The following CHMP5 variants were observed in gnomAD, a reference collection of about 807,000 sequenced individuals.
CHMP5 encodes the protein charged multivesicular body protein 5.
CHMP5 carries 17 observed loss-of-function variants against 33.0 expected under a neutral mutation model. The ratio of observed to expected loss-of-function variants is 0.52; its 90% CI spans 0.35 to 0.77. CHMP5 has a LOEUF of 0.77. Ranked by LOEUF, CHMP5 falls within the 30% of genes least tolerant of loss-of-function variation. CHMP5 has a pLI of 0.01. For synonymous variants in CHMP5, 76 were observed against 90.2 expected, an observed-to-expected ratio of 0.84 and a Z score of 0.89; for missense variants, 216 against 261.5, an observed-to-expected ratio of 0.83 and a Z score of 1.20.
At position 33,281,110 on chromosome 9, in the gene CHMP5, G is replaced by C. The variant is rs1820917998; in HGVS notation, c.*251G>C. 2.5e-6 allele frequency: 1 copy of C among 398,948 alleles called. No homozygotes were observed. The highest frequency in any genetic ancestry group is 2.1e-5 in the African/African-American group (1 of 48,172). The allele number at this position is 398,948 out of a possible 1,614,324, so 24.7% of individuals were successfully genotyped here. A position where few individuals can be genotyped will look rare whatever the true frequency, so the allele number is the denominator to read the frequency against. Reference sequence around the variant, plus strand: ...GTTTAAAAGTATTTTTAGCTCGTATGACTTGTTTTCATTCATTAATAATAA... The same window carrying C: ...GTTTAAAAGTATTTTTAGCTCGTATCACTTGTTTTCATTCATTAATAATAA... On this transcript the variant is annotated 3_prime_UTR_variant, in exon 8 of 8. Transcript: ENST00000223500.
Position 33,271,892 on chromosome 9 carries a change from G to C in CHMP5, c.387+669G>C, listed in dbSNP as rs60722204. ...TCGATGATATTTAGTCTGTTTCTTC[G>C]ATGGTAGTGGTGTTGTTGCCTATTC... On this transcript the variant is annotated intron_variant, in intron 5 of 7. Coordinates refer to ENST00000223500, the MANE Select transcript of CHMP5 (RefSeq NM_016410.6). Among the ~76,000 whole-genome samples the C allele has an allele frequency of 5.8e-3, 888 of 152,250 alleles. 10 individuals carry two copies. Among genetic ancestry groups the C allele is most frequent in the African/African-American group, 0.021 (855 of 41,538 alleles).
chr9:33,279,590 G>A (rs575521526), intron 7 of CHMP5, among the ~76,000 whole-genome samples: 7 of 152,180 alleles, frequency 4.6e-5, no homozygotes, highest in South Asian at 4.2e-4. Flanking sequence ...GCGGCCAGGC[G>A]CGGTGGCTCA....
Position 33,267,737 on chromosome 9 carries a change from G to A in CHMP5, c.175-116G>A, listed in dbSNP as rs142714386. On this transcript the variant is annotated intron_variant, in intron 2 of 7. Transcript: ENST00000223500. ...AAGTACAGAATCCAGGAGCCATTAT[G>A]CCTACTACTTTGAAGAAGAGAGGAA... 33 of 691,474 alleles carry A rather than the reference G, an allele frequency of 4.8e-5. No individual in the cohort carries two copies. In the East Asian group the frequency reaches 8.9e-4, roughly 19 times the overall value. The allele number at this position is 691,474 out of a possible 1,614,324, so 42.8% of individuals were successfully genotyped here. A position where few individuals can be genotyped will look rare whatever the true frequency, so the allele number is the denominator to read the frequency against.
At chr9:33,270,520 C>A in intron 3 of CHMP5, 103 bp from the exon 4 acceptor site, 1 of 943,014 alleles carries the variant, frequency 1.1e-6, no homozygotes, top group East Asian at 2.6e-5. Context: ...TTTTTTGTTC[C>A]GTTGTTTTTT....
In CHMP5 at chr9:33,270,709, A is replaced by G. The variant is rs760694534; in HGVS notation, c.308A>G (p.Lys103Arg). Residue 103 changes from lysine (K) to arginine (R), a missense_variant, in exon 4 of 8, where the codon AAG becomes AGG. Coordinates refer to ENST00000223500, the MANE Select transcript of CHMP5 (RefSeq NM_016410.6). ...ACCATCCAGTCTTTGAAGGACACCA[A>G]GACCACGGTACTCCCAAAACACCTT... ...NYTIQSLKDT[K>R]TTVDAMKLGV... 6.2e-7 allele frequency: 1 copy of G among 1,607,626 alleles called. No individual in the cohort carries two copies. The highest frequency in any genetic ancestry group is 8.5e-7 in the Non-Finnish European group (1 of 1,174,314).
chr9:33,267,845 C>T lies in CHMP5; in HGVS notation c.175-8C>T. ...CCTTATTTTTATTAAATCTGTTTTT[C>T]TCTCCAGAATATGGTCAAGCAGAAA... On this transcript the variant is annotated splice_polypyrimidine_tract_variant and splice_region_variant and intron_variant, in intron 2 of 7. Coordinates refer to ENST00000223500, the MANE Select transcript of CHMP5 (RefSeq NM_016410.6). The T allele has an allele frequency of 6.2e-7, 1 of 1,602,158 alleles. No individual in the cohort carries two copies. The highest frequency in any genetic ancestry group is 8.5e-7 in the Non-Finnish European group (1 of 1,169,888).
intron 5 of CHMP5, among the ~76,000 whole-genome samples, chr9:33,272,833 C>T (rs1276250270): frequency 6.6e-6 from 1 of 152,090 alleles, no homozygotes; most frequent in Non-Finnish European, 1.5e-5. Context: ...CATTCCTCCC[C>T]TCTCTTATTT....
intron 5 of CHMP5, among the ~76,000 whole-genome samples, chr9:33,275,186 T>C (rs1400858044): frequency 1.3e-5 from 2 of 152,214 alleles, no homozygotes; most frequent in African/African-American, 2.4e-5. Context: ...GAAAATATAG[T>C]GTTTGCAGGA....
intron 2 of CHMP5, among the ~76,000 whole-genome samples, chr9:33,266,885 C>T (rs1820733973): frequency 6.6e-6 from 1 of 152,196 alleles, no homozygotes; most frequent in Admixed American, 6.5e-5. Context: ...TTATTTTCCA[C>T]TCCTGTTAGG....
rs1820922363 is a variant in CHMP5 at position 33,281,521 on chromosome 9, TTAA to T, written c.*668_*670del. ...AAATATTTTTCAAAAGGATATAATT[TTAA>T]TAATATCACTTCAGCTTAAAACCTC... On this transcript the variant is annotated 3_prime_UTR_variant, in exon 8 of 8. Transcript: ENST00000223500. The T allele has an allele frequency of 6.6e-6, 1 of 152,670 alleles. No individual in the cohort carries two copies. The highest frequency in any genetic ancestry group is 2.4e-5 in the African/African-American group (1 of 41,460). 9.5% of individuals were successfully genotyped at this position (152,670 alleles called of 1,614,324 possible).
chr9:33,271,300 A>G, intron 5 of CHMP5, 77 bp downstream of exon 5: 1 of 1,119,934 alleles, frequency 8.9e-7, no homozygotes, highest in Non-Finnish European at 1.4e-6. Flanking sequence ...TGTGATAGGA[A>G]GAGCACAGGA....
intron 7 of CHMP5, among the ~76,000 whole-genome samples, chr9:33,280,266 C>T (rs958091785): frequency 6.6e-6 from 1 of 152,152 alleles, no homozygotes; most frequent in Non-Finnish European, 1.5e-5. Context: ...CCTGAGCCAC[C>T]GCGCCCGGCC....
At chr9:33,265,403 C>CA (rs1820700853) in intron 1 of CHMP5, among the ~76,000 whole-genome samples, 1 of 152,110 alleles carries the variant, frequency 6.6e-6, no homozygotes, top group Non-Finnish European at 1.5e-5. Context: ...ATTGCCCGTC[C>CA]ACTCGCTCTC....
intron 3 of CHMP5, among the ~76,000 whole-genome samples, chr9:33,268,882 T>A (rs1457420899): frequency 1.3e-5 from 2 of 152,244 alleles, no homozygotes; most frequent in Admixed American, 6.5e-5. Context: ...GCATATAACT[T>A]TTTAGAAGAA....
chr9:33,279,291 T>C lies in CHMP5; in HGVS notation c.609+1066T>C, dbSNP rs1820892946. Among the ~76,000 whole-genome samples the C allele has an allele frequency of 2.6e-5, 4 of 152,146 alleles. No homozygotes were observed. In the South Asian group the frequency reaches 8.3e-4, roughly 32 times the overall value. Reference sequence around the variant, plus strand: ...ATTTATGTCTTCTTTTTGAACCTCATCAGTTTTTCCTACCTGTAAAATGTG... The same window carrying C: ...ATTTATGTCTTCTTTTTGAACCTCACCAGTTTTTCCTACCTGTAAAATGTG... On this transcript the variant is annotated intron_variant, in intron 7 of 7. Coordinates refer to ENST00000223500, the MANE Select transcript of CHMP5 (RefSeq NM_016410.6).
intron 6 of CHMP5, chr9:33,277,908 TA>T (rs1820874537): frequency 2.1e-6 from 1 of 465,524 alleles, no homozygotes; most frequent in Admixed American, 3.4e-5. Flanking sequence ...CTCTACCTGC[TA>T]TTGTCATTCC....
intron 6 of CHMP5, among the ~76,000 whole-genome samples, chr9:33,277,239 G>T (rs886637033): frequency 6.6e-6 from 1 of 150,820 alleles, no homozygotes; most frequent in African/African-American, 2.4e-5. Context: ...TACTTAGTGT[G>T]CATCTACTCT....
chr9:33,271,081 A>G (rs1011838106), intron 4 of CHMP5, 71 bp from the exon 5 acceptor site: 2 of 1,217,674 alleles, frequency 1.6e-6, no homozygotes, highest in Non-Finnish European at 2.4e-6. Context: ...CAAATAAATA[A>G]ATAAATAAAT....
At chr9:33,279,450 C>T (rs1211845198) in intron 7 of CHMP5, among the ~76,000 whole-genome samples, 1 of 152,120 alleles carries the variant, frequency 6.6e-6, no homozygotes, top group African/African-American at 2.4e-5. Flanking sequence ...ACTGCCCACT[C>T]CTCCCCGACC....
Sources: gnomAD v4.1 joint callset for allele counts (sites outside exome capture counted in the v4.1 genomes callset) on GRCh38, gnomAD v4.1.1 for gene constraint, MANE v1.5 for transcripts, NCBI Gene and HGNC (gene_info 2026-07-23, HGNC 2026-07-21) for gene names.